Variants in HDAC1 observed in about 807,000 individuals in gnomAD.
HDAC1 encodes protein deacetylase HDAC1.
A neutral mutation model predicts 65.5 loss-of-function variants in HDAC1; 18 were observed. The ratio of observed to expected loss-of-function variants is 0.27; its 90% CI spans 0.19 to 0.41. HDAC1 has a LOEUF of 0.41. HDAC1 is among the 10% of genes least tolerant of loss of function. The pLI, the probability that HDAC1 is intolerant of heterozygous loss-of-function variation, is 1.00. For missense variants in HDAC1, 373 were observed against 625.2 expected (o/e 0.60, Z 4.30); for synonymous variants, 211 against 227.9 (o/e 0.93, Z 0.67).
At chr1:32,301,283 A>T (rs911998118) in intron 1 of HDAC1, among the ~76,000 whole-genome samples, 4 of 151,432 alleles carry the variant, frequency 2.6e-5, no homozygotes, top group African/African-American at 9.7e-5. Flanking sequence ...CGTCTGTACT[A>T]AAAATACAAA....
intron 3 of HDAC1, among the ~76,000 whole-genome samples, chr1:32,323,023 C>A (rs1641168817): frequency 6.6e-6 from 1 of 152,150 alleles, no homozygotes; most frequent in Non-Finnish European, 1.5e-5. Flanking sequence ...GACAGGCTGG[C>A]TGGGCACGGT....
intron 11 of HDAC1, 84 bp from the exon 12 acceptor site, chr1:32,332,006 A>G: frequency 2.8e-6 from 4 of 1,449,374 alleles, no homozygotes; most frequent in Non-Finnish European, 3.7e-6. Flanking sequence ...CTCTTGGAGG[A>G]CACGCAGGGA....
intron 1 of HDAC1, among the ~76,000 whole-genome samples, chr1:32,299,861 C>T (rs755505407): frequency 3.3e-5 from 5 of 152,154 alleles, no homozygotes; most frequent in Non-Finnish European, 7.4e-5. Context: ...TCAAGACCAT[C>T]CTGGTTAACA....
At chr1:32,318,246 A>C (rs945183947) in intron 3 of HDAC1, among the ~76,000 whole-genome samples, 1 of 152,130 alleles carries the variant, frequency 6.6e-6, no homozygotes, top group African/African-American at 2.4e-5. Flanking sequence ...ACTGTGCCCG[A>C]CCTGTTTTCC....
intron 4 of HDAC1, among the ~76,000 whole-genome samples, chr1:32,326,642 T>C (rs1641221754): frequency 6.6e-6 from 1 of 151,882 alleles, no homozygotes; most frequent in African/African-American, 2.4e-5. Context: ...TTTTCTATGC[T>C]ATTTCATTAA....
rs1641261627 is a variant in HDAC1, at chr1:32,329,405, A to G, written c.729+245A>G. 1 of 582,244 alleles carries G rather than the reference A, an allele frequency of 1.7e-6. No individual in the cohort carries two copies. Among genetic ancestry groups the G allele is most frequent in the South Asian group, 2.0e-5 (1 of 49,172 alleles). 36.1% of individuals were successfully genotyped at this position (582,244 alleles called of 1,614,324 possible). ...TATCTAAGACATGATCTTTGCCCTCACGGACTATGGTGGGGAAGGCAGGCA... is the reference window on the plus strand; with the variant it reads ...TATCTAAGACATGATCTTTGCCCTCGCGGACTATGGTGGGGAAGGCAGGCA... On this transcript the variant is annotated intron_variant, in intron 7 of 13. Transcript: ENST00000373548. This position sits in a 1 kb window ranked among gnomAD's most constrained non-coding sequence, Gnocchi z 4.1.
At chr1:32,311,120 G>A (rs1246618308) in intron 2 of HDAC1, among the ~76,000 whole-genome samples, 5 of 152,110 alleles carry the variant, frequency 3.3e-5, no homozygotes, top group Admixed American at 6.6e-5. Context: ...TAATACATTG[G>A]TGGTAGTTTC....
rs1440824706 is a variant in HDAC1, at chr1:32,330,469, G to A, written c.730-109G>A. ...CCTTTTCTCTCCCACATAGCATGAG[G>A]GAGAGTGGAAAGGTAGGAGTGGGTG... On this transcript the variant is annotated intron_variant, in intron 7 of 13. Transcript: ENST00000373548. The surrounding 1 kb of genome is among the most constrained non-coding windows in gnomAD (Gnocchi z 4.2). 1 of 771,664 alleles carries A rather than the reference G, an allele frequency of 1.3e-6. No individual in the cohort carries two copies. Among genetic ancestry groups the A allele is most frequent in the Admixed American group, 1.8e-5 (1 of 56,060 alleles). 47.8% of individuals were successfully genotyped at this position (771,664 alleles called of 1,614,324 possible). A position where few individuals can be genotyped will look rare whatever the true frequency, so the allele number is the denominator to read the frequency against.
At chr1:32,326,335 T>C (rs1484247220) in intron 4 of HDAC1, among the ~76,000 whole-genome samples, 1 of 151,878 alleles carries the variant, frequency 6.6e-6, no homozygotes, top group Non-Finnish European at 1.5e-5. Flanking sequence ...CTAAATTTTT[T>C]CGTATTTTTA....
chr1:32,326,030 A>C (rs1293853317), intron 4 of HDAC1, among the ~76,000 whole-genome samples: 1 of 152,070 alleles, frequency 6.6e-6, no homozygotes, highest in Non-Finnish European at 1.5e-5. Flanking sequence ...CCATCTCAAA[A>C]AACAACAACA....
intron 2 of HDAC1, among the ~76,000 whole-genome samples, 172 bp downstream of exon 2, chr1:32,302,905 C>T (rs1261088721): frequency 6.6e-6 from 1 of 152,222 alleles, no homozygotes; most frequent in South Asian, 2.1e-4. Flanking sequence ...GGCATGGTGG[C>T]TCACGCCTGT....
At chr1:32,304,208 C>T (rs142498311) in intron 2 of HDAC1, among the ~76,000 whole-genome samples, 1 of 152,060 alleles carries the variant, frequency 6.6e-6, no homozygotes, top group Admixed American at 6.6e-5. Context: ...TGTCACCATT[C>T]CAGAGACTGA....
Position 32,327,367 on chromosome 1 carries a change from C to T in HDAC1, c.495-169C>T, listed in dbSNP as rs1641233457. 1.5e-6 allele frequency: 1 copy of T among 660,556 alleles called. No individual in the cohort carries two copies. The highest frequency in any genetic ancestry group is 1.8e-5 in the South Asian group (1 of 55,404). The allele number at this position is 660,556 out of a possible 1,614,324, so 40.9% of individuals were successfully genotyped here. A position where few individuals can be genotyped will look rare whatever the true frequency, so the allele number is the denominator to read the frequency against. ...ATCGGACTTGGTCGGCTTGGTCAGGCCTCTGGAGACACCCGGCCGCTCTTC... is the reference window on the plus strand; with the variant it reads ...ATCGGACTTGGTCGGCTTGGTCAGGTCTCTGGAGACACCCGGCCGCTCTTC... On this transcript the variant is annotated intron_variant, in intron 5 of 13. Coordinates refer to ENST00000373548, the MANE Select transcript of HDAC1 (RefSeq NM_004964.3). This position sits in a 1 kb window ranked among gnomAD's most constrained non-coding sequence, Gnocchi z 6.0.
rs545177518 is a variant in HDAC1, at chr1:32,327,790, C to G, written c.636+113C>G. 3 of 852,638 alleles carry G rather than the reference C, an allele frequency of 3.5e-6. No individual in the cohort carries two copies. Among genetic ancestry groups the G allele is most frequent in the Admixed American group, 1.9e-5 (1 of 51,356 alleles). The allele number at this position is 852,638 out of a possible 1,614,324, so 52.8% of individuals were successfully genotyped here. A position where few individuals can be genotyped will look rare whatever the true frequency, so the allele number is the denominator to read the frequency against. ...CTTGCCTCTTCTGCCAATCAGAATACCACATCCCAATCTGAAGCACTTGCC... is the reference window on the plus strand; with the variant it reads ...CTTGCCTCTTCTGCCAATCAGAATAGCACATCCCAATCTGAAGCACTTGCC... On this transcript the variant is annotated intron_variant, in intron 6 of 13. Transcript: ENST00000373548. This position sits in a 1 kb window ranked among gnomAD's most constrained non-coding sequence, Gnocchi z 6.0.
At chr1:32,294,075 A>G (rs553981243) in intron 1 of HDAC1, among the ~76,000 whole-genome samples, 2 of 152,108 alleles carry the variant, frequency 1.3e-5, no homozygotes, top group Admixed American at 6.6e-5. Context: ...CTCAAAAAAA[A>G]AAAAAACAAA....
At chr1:32,304,736 AT>A (rs1640889433) in intron 2 of HDAC1, among the ~76,000 whole-genome samples, 1 of 151,878 alleles carries the variant, frequency 6.6e-6, no homozygotes, top group Non-Finnish European at 1.5e-5. Context: ...CGCCTGGCTA[AT>A]TTTTTGGTAG....
chr1:32,301,344 G>A (rs1326023261), intron 1 of HDAC1, among the ~76,000 whole-genome samples: 1 of 152,160 alleles, frequency 6.6e-6, no homozygotes, highest in Non-Finnish European at 1.5e-5. Flanking sequence ...TACTCGGGAG[G>A]CTGAGGCAGG....
chr1:32,301,812 T>C (rs776037655), intron 1 of HDAC1, among the ~76,000 whole-genome samples: 1 of 152,158 alleles, frequency 6.6e-6, no homozygotes, highest in Admixed American at 6.6e-5. Context: ...GAAGTTATTA[T>C]TATTAAATGT....
intron 1 of HDAC1, among the ~76,000 whole-genome samples, chr1:32,299,772 T>A (rs1038496525): frequency 6.6e-6 from 1 of 152,180 alleles, no homozygotes; most frequent in African/African-American, 2.4e-5. Flanking sequence ...AAGCCCAATG[T>A]AGGGCCTGGC....
Sources: allele counts gnomAD v4.1 joint callset (sites outside exome capture counted in the v4.1 genomes callset), GRCh38; gene constraint gnomAD v4.1.1; non-coding constraint Gnocchi (gnomAD v3.1); transcripts MANE v1.5; gene names NCBI Gene and HGNC (gene_info 2026-07-23, HGNC 2026-07-21).